The following CACNA2D3 variants were observed in gnomAD, a reference collection of about 807,000 sequenced individuals.
The protein encoded by CACNA2D3 is voltage-dependent calcium channel subunit alpha-2/delta-3.
CACNA2D3 carries 60 observed loss-of-function variants against 160.6 expected under a neutral mutation model. That is an observed-to-expected ratio of 0.37 (90% CI 0.30 to 0.46). The LOEUF is 0.46. Among genes scored for constraint, CACNA2D3 ranks in the 20% least tolerant of loss-of-function variants. The probability of loss-of-function intolerance (pLI) is 1.00; values close to 1 mark genes in which losing one functional copy is unlikely to be tolerated. For synonymous variants in CACNA2D3, 558 were observed against 492.9 expected, an observed-to-expected ratio of 1.13 and a Z score of -1.75; for missense variants, 1,205 against 1,365.0, an observed-to-expected ratio of 0.88 and a Z score of 1.85.
chr3:54,993,914 G>C lies in CACNA2D3; in HGVS notation c.2690+6161G>C, dbSNP rs1045399063. 8.8e-5 allele frequency among the ~76,000 whole-genome samples: 13 copies of C among 146,912 alleles called. 1 individual carries two copies. Among genetic ancestry groups the C allele is most frequent in the Middle Eastern group, 3.4e-3 (1 of 292 alleles). On this transcript the variant is annotated intron_variant, in intron 31 of 37. Transcript: ENST00000474759. Reference sequence around the variant, plus strand: ...TGTGTGTGTGTGTGTGTGTGTGTGTGTGTGTGTTTTGTGTGTGTGTGTGGT... The same window carrying C: ...TGTGTGTGTGTGTGTGTGTGTGTGTCTGTGTGTTTTGTGTGTGTGTGTGGT...
At chr3:54,518,421 C>A (rs1048068575) in intron 5 of CACNA2D3, among the ~76,000 whole-genome samples, 4 of 152,142 alleles carry the variant, frequency 2.6e-5, no homozygotes, top group Non-Finnish European at 4.4e-5. Context: ...GGGGTTCCCC[C>A]CAGTGTCTGA....
At chr3:54,671,455 G>C (rs1315373560) in intron 11 of CACNA2D3, among the ~76,000 whole-genome samples, 1 of 152,134 alleles carries the variant, frequency 6.6e-6, no homozygotes, top group South Asian at 2.1e-4. Flanking sequence ...TGCCTCTTCA[G>C]TAATCACTTT....
At chr3:54,348,007 C>G (rs974217530) in intron 3 of CACNA2D3, among the ~76,000 whole-genome samples, 1 of 152,118 alleles carries the variant, frequency 6.6e-6, no homozygotes, top group African/African-American at 2.4e-5. Context: ...TTATTTGACT[C>G]CTATGTATGT....
chr3:54,403,409 T>TA (rs1369508371), intron 4 of CACNA2D3, among the ~76,000 whole-genome samples: 1 of 135,422 alleles, frequency 7.4e-6, no homozygotes, highest in South Asian at 2.4e-4. Flanking sequence ...GCACACACAA[T>TA]AAAAATATCT....
intron 28 of CACNA2D3, among the ~76,000 whole-genome samples, chr3:54,968,843 G>A (rs1008270730): frequency 6.6e-6 from 1 of 152,126 alleles, no homozygotes; most frequent in African/African-American, 2.4e-5. Flanking sequence ...GGTCGTGCCT[G>A]GTTACTTACT....
chr3:54,272,916 C>A (rs1702648699), intron 2 of CACNA2D3: 1 of 152,092 alleles, frequency 6.6e-6, no homozygotes, highest in Non-Finnish European at 1.5e-5. Context: ...ACCTTGGACC[C>A]CATTCCTCCC....
At chr3:54,488,484 C>T (rs543529556) in intron 4 of CACNA2D3, among the ~76,000 whole-genome samples, 2 of 152,040 alleles carry the variant, frequency 1.3e-5, no homozygotes, top group East Asian at 1.9e-4. Context: ...AACAGTGGCC[C>T]GACTAGCCTC....
intron 2 of CACNA2D3, among the ~76,000 whole-genome samples, chr3:54,160,969 C>T (rs746493974): frequency 2.0e-4 from 31 of 152,220 alleles, no homozygotes; most frequent in Non-Finnish European, 3.4e-4. Context: ...GTCCAGCAGG[C>T]GAGTCCAGTG....
intron 27 of CACNA2D3, 37 bp from the exon 28 acceptor site, chr3:54,968,413 A>T: frequency 7.3e-7 from 1 of 1,366,656 alleles, no homozygotes; most frequent in South Asian, 1.2e-5. Context: ...GTGTAAAGGG[A>T]TCACTAATGC....
intron 2 of CACNA2D3, among the ~76,000 whole-genome samples, chr3:54,250,512 T>C (rs1394651443): frequency 1.3e-5 from 2 of 152,110 alleles, no homozygotes; most frequent in African/African-American, 2.4e-5. Flanking sequence ...TAGCTCACTG[T>C]AGCCTCAAAC....
At chr3:54,435,291 A>G (rs537871078) in intron 4 of CACNA2D3, among the ~76,000 whole-genome samples, 1 of 152,236 alleles carries the variant, frequency 6.6e-6, no homozygotes, top group East Asian at 1.9e-4. Flanking sequence ...CTGCACCAAC[A>G]AAGATTGTGT....
chr3:54,738,633 G>T (rs1701578702), intron 11 of CACNA2D3, among the ~76,000 whole-genome samples: 1 of 152,132 alleles, frequency 6.6e-6, no homozygotes, highest in Admixed American at 6.5e-5. Flanking sequence ...TCCCTGATTT[G>T]TTTGCTCCCT....
chr3:54,775,691 T>C (rs1178450388), intron 13 of CACNA2D3, among the ~76,000 whole-genome samples: 3 of 152,176 alleles, frequency 2.0e-5, no homozygotes, highest in Non-Finnish European at 4.4e-5. Flanking sequence ...TATAGTAATA[T>C]GACTATTTTA....
rs1704864383 is a variant in CACNA2D3, at chr3:55,073,488, G to T, written c.3031G>T (p.Val1011Leu). 6.2e-7 allele frequency: 1 copy of T among 1,613,636 alleles called. No individual in the cohort carries two copies. The highest frequency in any genetic ancestry group is 1.7e-5 in the Admixed American group (1 of 59,984). ...AATCCCAAGCAGCAACCTGTTCATG[G>T]TGGTGGTGGACAGCAGCTGCCTCTG... is the stretch of plus-strand genomic sequence containing the variant. ...QQIPSSNLFM[V>L]VVDSSCLCES... The change falls in exon 36 of 38, where the codon GTG becomes TTG. Residue 1011 changes from valine to leucine, a missense_variant. By Grantham distance (32) the Val-to-Leu change is conservative. Coordinates refer to ENST00000474759, the MANE Select transcript of CACNA2D3 (RefSeq NM_018398.3).
intron 3 of CACNA2D3, among the ~76,000 whole-genome samples, chr3:54,341,611 G>A (rs570114552): frequency 2.6e-5 from 4 of 152,262 alleles, no homozygotes; most frequent in South Asian, 4.2e-4. Flanking sequence ...TGCTACTAGC[G>A]TCCCCTTCTT....
At chr3:54,469,054 C>T (rs1041204329) in intron 4 of CACNA2D3, among the ~76,000 whole-genome samples, 4 of 152,248 alleles carry the variant, frequency 2.6e-5, no homozygotes, top group African/African-American at 9.6e-5. Context: ...AGCCCATCTC[C>T]CAGCACAGTG....
intron 6 of CACNA2D3, among the ~76,000 whole-genome samples, chr3:54,566,818 G>C (rs1036788632): frequency 6.6e-6 from 1 of 152,160 alleles, no homozygotes; most frequent in African/African-American, 2.4e-5. Flanking sequence ...GGTGAAAGCT[G>C]GTTCATAGCT....
chr3:54,952,925 G>A (rs1701795118), intron 27 of CACNA2D3, among the ~76,000 whole-genome samples: 1 of 152,152 alleles, frequency 6.6e-6, no homozygotes, highest in Admixed American at 6.6e-5. Flanking sequence ...CAGCAACAAA[G>A]GAGGAAACTT....
intron 2 of CACNA2D3, among the ~76,000 whole-genome samples, chr3:54,304,637 A>C (rs1703555742): frequency 6.6e-6 from 1 of 152,100 alleles, no homozygotes; most frequent in Non-Finnish European, 1.5e-5. Context: ...CAGTGAGTAC[A>C]TTTTGCTTTA....
Sources: allele counts gnomAD v4.1 joint callset (sites outside exome capture counted in the v4.1 genomes callset), GRCh38; gene constraint gnomAD v4.1.1; transcripts MANE v1.5; gene names NCBI Gene and HGNC (gene_info 2026-07-23, HGNC 2026-07-21).